The following ANK3 variants were observed in gnomAD, a reference collection of about 807,000 sequenced individuals.
The protein encoded by ANK3 is ankyrin-3.
In ANK3, 57 loss-of-function variants were observed where a neutral mutation model predicts 370.9. That is an observed-to-expected ratio of 0.15 (90% confidence interval 0.12 to 0.19). The LOEUF (loss-of-function observed/expected upper bound fraction) is 0.19, where lower values mean the gene tolerates loss of function less well. Among genes scored for constraint, ANK3 ranks in the 10% least tolerant of loss-of-function variants. The pLI, the probability that ANK3 is intolerant of heterozygous loss-of-function variation, is 1.00. For synonymous variants in ANK3, 1,929 were observed against 1,946.3 expected (o/e 0.99, Z 0.23); for missense variants, 4,439 against 5,302.1 (o/e 0.84, Z 5.06).
chr10:60,563,755 A>G (rs2133253407), intron 2 of ANK3, among the ~76,000 whole-genome samples: 1 of 152,322 alleles, frequency 6.6e-6, no homozygotes, highest in South Asian at 2.1e-4. Context: ...AGCCATGCTC[A>G]GAGTCTATGC....
chr10:60,196,107 T>C (rs768817692), intron 16 of ANK3, 38 bp downstream of exon 16: 63 of 1,536,010 alleles, frequency 4.1e-5, no homozygotes, highest in Admixed American at 6.7e-5. Context: ...TGATAGACCT[T>C]ACCCATCAGT....
At chr10:60,602,273 T>C (rs1456190721) in intron 2 of ANK3, among the ~76,000 whole-genome samples, 1 of 152,144 alleles carries the variant, frequency 6.6e-6, no homozygotes, top group Non-Finnish European at 1.5e-5. Flanking sequence ...CAGATGAAAT[T>C]TCACCACTTA....
intron 2 of ANK3, among the ~76,000 whole-genome samples, chr10:60,609,080 G>C (rs551150680): frequency 6.6e-6 from 1 of 152,300 alleles, no homozygotes; most frequent in South Asian, 2.1e-4. Context: ...AGGAATGACT[G>C]TATAGTAGTG....
chr10:60,066,242 T>C (rs2131954084), intron 38 of ANK3, among the ~76,000 whole-genome samples: 1 of 152,290 alleles, frequency 6.6e-6, no homozygotes, highest in Admixed American at 6.5e-5. Flanking sequence ...ACACTGACAC[T>C]AGGAATTTTA....
chr10:60,422,000 T>C (rs553270043), intron 2 of ANK3, among the ~76,000 whole-genome samples: 42 of 152,208 alleles, frequency 2.8e-4, no homozygotes, highest in Middle Eastern at 3.4e-3. Context: ...TTTTTATAAG[T>C]AAATAAAAGG....
chr10:60,513,246 T>C (rs1267621650), intron 2 of ANK3, among the ~76,000 whole-genome samples: 3 of 152,166 alleles, frequency 2.0e-5, no homozygotes, highest in African/African-American at 7.2e-5. Context: ...AAGACACATC[T>C]AGGTGTGAGT....
intron 42 of ANK3, among the ~76,000 whole-genome samples, chr10:60,051,006 T>C (rs980163582): frequency 4.6e-5 from 7 of 152,134 alleles, no homozygotes; most frequent in African/African-American, 1.7e-4. Context: ...TATGAAGAAC[T>C]GGTTTTAATT....
At chr10:60,247,730 C>G (rs1221162303) in intron 7 of ANK3, among the ~76,000 whole-genome samples, 1 of 152,032 alleles carries the variant, frequency 6.6e-6, no homozygotes. Context: ...TGCAGTGGCG[C>G]GATCTTGGCT....
chr10:60,484,491 G>A (rs1446456050), intron 2 of ANK3, among the ~76,000 whole-genome samples: 1 of 152,104 alleles, frequency 6.6e-6, no homozygotes, highest in Non-Finnish European at 1.5e-5. Flanking sequence ...AACAAGCGTG[G>A]CAATGAGTTG....
intron 1 of ANK3, among the ~76,000 whole-genome samples, chr10:60,340,718 A>C (rs879258622): frequency 1.3e-5 from 2 of 152,094 alleles, no homozygotes; most frequent in Non-Finnish European, 2.9e-5. Flanking sequence ...GGCCAGAGAT[A>C]CTATTATTAC....
chr10:60,479,560 T>C (rs1280970704), intron 2 of ANK3, among the ~76,000 whole-genome samples: 2 of 151,924 alleles, frequency 1.3e-5, no homozygotes, highest in Non-Finnish European at 2.9e-5. Flanking sequence ...GTTTTGAGAG[T>C]TTTTGAAATC....
intron 2 of ANK3, among the ~76,000 whole-genome samples, chr10:60,445,400 C>G (rs2064416275): frequency 6.6e-6 from 1 of 151,748 alleles, no homozygotes; most frequent in Non-Finnish European, 1.5e-5. Context: ...AAAAAACAAA[C>G]AAGCAAGCAA....
At position 60,082,686 on chromosome 10, in the gene ANK3, G is replaced by A; in HGVS notation, c.4252C>T (p.Pro1418Ser). 1.2e-6 allele frequency: 2 copies of A among 1,614,018 alleles called. No homozygotes were observed. The highest frequency in any genetic ancestry group is 1.7e-6 in the Non-Finnish European group (2 of 1,179,932). Residue 1418 changes from proline to serine, a missense_variant, in exon 34 of 44, where the codon CCA (proline) becomes TCA (serine). Physicochemically the swap from Pro to Ser is moderately conservative, Grantham distance 74. Coordinates refer to ENST00000280772, the MANE Select transcript of ANK3 (RefSeq NM_020987.5). ...PCGRLSFLKE[P>S]KTTKGLPQTA... is the part of the protein sequence containing the mutation. ...TGAGGCAGTCCTTTTGTTGTCTTTG[G>A]TTCTTTCAGAAAAGACAGACGACCA... is the stretch of plus-strand genomic sequence containing the variant.
At chr10:60,514,512 A>G (rs2076168355) in intron 2 of ANK3, among the ~76,000 whole-genome samples, 1 of 152,116 alleles carries the variant, frequency 6.6e-6, no homozygotes, top group Admixed American at 6.6e-5. Flanking sequence ...TGTTCTTTAC[A>G]TTAATCTTGC....
chr10:60,083,838 T>G (rs2085935504), intron 32 of ANK3: 2 of 358,562 alleles, frequency 5.6e-6, no homozygotes, highest in Non-Finnish European at 9.9e-6. Context: ...AGAACAGAAT[T>G]ACACATTTAT....
intron 30 of ANK3, among the ~76,000 whole-genome samples, chr10:60,085,991 T>C (rs1228127728): frequency 6.6e-6 from 1 of 152,176 alleles, no homozygotes; most frequent in African/African-American, 2.4e-5. Context: ...GTACAATTAA[T>C]TACCGAGGGT....
intron 1 of ANK3, among the ~76,000 whole-genome samples, chr10:60,294,109 G>T (rs899914318): frequency 7.9e-5 from 12 of 151,806 alleles, no homozygotes; most frequent in South Asian, 2.1e-4. Flanking sequence ...AACTGGTCTA[G>T]GTAGCAGAGA....
intron 20 of ANK3, 50 bp from the exon 21 acceptor site, chr10:60,172,453 T>A: frequency 6.7e-7 from 1 of 1,498,892 alleles, no homozygotes; most frequent in South Asian, 1.1e-5. Flanking sequence ...TATTCCACAT[T>A]TTTTTTGCTG....
At chr10:60,097,598 T>C (rs879933819) in intron 28 of ANK3, among the ~76,000 whole-genome samples, 2 of 152,214 alleles carry the variant, frequency 1.3e-5, no homozygotes, top group African/African-American at 2.4e-5. Flanking sequence ...GAGACCATAA[T>C]ACAACGAAGC....
Sources: allele counts gnomAD v4.1 joint callset (sites outside exome capture counted in the v4.1 genomes callset), GRCh38; gene constraint gnomAD v4.1.1; transcripts MANE v1.5; gene names NCBI Gene and HGNC (gene_info 2026-07-23, HGNC 2026-07-21).